PIEZO2: variants seen among roughly 807,000 people sequenced by gnomAD.
PIEZO2 encodes the protein piezo-type mechanosensitive ion channel component 2.
A neutral mutation model predicts 337.3 loss-of-function variants in PIEZO2; 172 were observed. The observed-to-expected ratio is 0.51, with a 90% confidence interval of 0.45 to 0.58. The LOEUF (loss-of-function observed/expected upper bound fraction) is 0.58, where lower values mean the gene tolerates loss of function less well. Among genes scored for constraint, PIEZO2 ranks in the 20% least tolerant of loss-of-function variants. The pLI, the probability that PIEZO2 is intolerant of heterozygous loss-of-function variation, is 0.00. For synonymous variants in PIEZO2, 1,251 were observed against 1,228.5 expected (o/e 1.02, Z -0.38); for missense variants, 3,028 against 3,391.3 (o/e 0.89, Z 2.66).
chr18:10,977,825 T>G (rs558797791), intron 3 of PIEZO2, among the ~76,000 whole-genome samples: 1 of 152,338 alleles, frequency 6.6e-6, no homozygotes, highest in African/African-American at 2.4e-5. Flanking sequence ...ACAAAAGTCA[T>G]AGACTGTATA....
intron 43 of PIEZO2, 91 bp downstream of exon 43, chr18:10,701,898 A>G (rs1045265108): frequency 2.5e-5 from 29 of 1,177,544 alleles, no homozygotes; most frequent in Non-Finnish European, 5.7e-6. Flanking sequence ...CCCATCACCA[A>G]TCCTGATGTC....
chr18:10,885,074 T>C (rs2144881318), intron 4 of PIEZO2, among the ~76,000 whole-genome samples: 2 of 152,004 alleles, frequency 1.3e-5, no homozygotes, highest in East Asian at 3.9e-4. Flanking sequence ...TGGAAGAAAA[T>C]ACATTCCCGA....
chr18:11,019,902 C>A (rs957232518), intron 2 of PIEZO2, among the ~76,000 whole-genome samples: 4 of 152,180 alleles, frequency 2.6e-5, no homozygotes, highest in African/African-American at 7.2e-5. Flanking sequence ...TCCATGGAGA[C>A]AAGAGGCATA....
chr18:10,688,027 T>C (rs921933736), intron 49 of PIEZO2, among the ~76,000 whole-genome samples: 5 of 152,250 alleles, frequency 3.3e-5, no homozygotes, highest in African/African-American at 9.6e-5. Context: ...CCAGGATACA[T>C]GTGCAGAATG....
rs879500750 is a variant in PIEZO2, at chr18:10,846,163, T to G, written c.917+9190A>C. On this transcript the variant is annotated intron_variant, in intron 7 of 55. Transcript: ENST00000674853. The surrounding 1 kb of genome is among the most constrained non-coding windows in gnomAD (Gnocchi z 4.1). ...TTGGCAATTTACAAAAGAATGAGGT[T>G]TATTGGACTTACAGTTCCACATGGC... is the stretch of plus-strand genomic sequence containing the variant. Among the ~76,000 whole-genome samples, 2 of 152,196 alleles carry G rather than the reference T, an allele frequency of 1.3e-5. No individual in the cohort carries two copies. Among genetic ancestry groups the G allele is most frequent in the Non-Finnish European group, 2.9e-5 (2 of 68,036 alleles).
At chr18:11,061,175 T>C (rs1271049980) in intron 2 of PIEZO2, among the ~76,000 whole-genome samples, 1 of 152,162 alleles carries the variant, frequency 6.6e-6, no homozygotes, top group African/African-American at 2.4e-5. Context: ...TCTCAATAGA[T>C]GCAGAAAAGG....
At chr18:10,802,050 C>T (rs1488504609) in intron 9 of PIEZO2, among the ~76,000 whole-genome samples, 28 of 138,472 alleles carry the variant, frequency 2.0e-4, no homozygotes, top group African/African-American at 7.8e-4. Context: ...CCCGCCACTG[C>T]ACTCCAGCCT....
intron 39 of PIEZO2, 76 bp downstream of exon 39, chr18:10,714,688 T>C (rs2035943550): frequency 6.8e-6 from 10 of 1,474,230 alleles, no homozygotes; most frequent in Middle Eastern, 3.5e-4. Flanking sequence ...ACCTCACACA[T>C]TCATTTCTTA....
At chr18:11,072,768 G>A (rs983875478) in intron 1 of PIEZO2, among the ~76,000 whole-genome samples, 1 of 152,182 alleles carries the variant, frequency 6.6e-6, no homozygotes, top group Non-Finnish European at 1.5e-5. Flanking sequence ...AGAAGTGCAT[G>A]ACCTCACCGC....
Position 11,110,925 on chromosome 18 carries a change from G to A in PIEZO2, c.64+37600C>T, listed in dbSNP as rs991224430. Among the ~76,000 whole-genome samples the A allele has an allele frequency of 2.0e-5, 3 of 152,202 alleles. No homozygotes were observed. Among genetic ancestry groups the A allele is most frequent in the African/African-American group, 7.2e-5 (3 of 41,444 alleles). On this transcript the variant is annotated intron_variant, in intron 1 of 55. Transcript: ENST00000674853. The surrounding 1 kb of genome is among the most constrained non-coding windows in gnomAD (Gnocchi z 4.2). Reference sequence around the variant, plus strand: ...ACACACGAGGTGAGGCCAGGATGCTGTGCCCCGCAAGCTCCCCTCCATGTG... The same window carrying A: ...ACACACGAGGTGAGGCCAGGATGCTATGCCCCGCAAGCTCCCCTCCATGTG...
intron 1 of PIEZO2, among the ~76,000 whole-genome samples, chr18:11,141,579 AGGTGCTT>A (rs1352114285): frequency 3.3e-5 from 5 of 152,332 alleles, no homozygotes; most frequent in Admixed American, 3.3e-4. Flanking sequence ...CCCTTGAACA[AGGTGCTT>A]GGTGTGGACA....
rs148410154 is a variant in PIEZO2 at position 10,862,376 on chromosome 18, T to C, written c.493-5165A>G. 2.0e-5 allele frequency among the ~76,000 whole-genome samples: 3 copies of C among 152,322 alleles called. No individual in the cohort carries two copies. In the East Asian group the frequency reaches 5.8e-4, roughly 29 times the overall value. On this transcript the variant is annotated intron_variant, in intron 5 of 55. Coordinates refer to ENST00000674853, the MANE Select transcript of PIEZO2 (RefSeq NM_001378183.1). The surrounding 1 kb of genome is among the most constrained non-coding windows in gnomAD (Gnocchi z 4.4). ...CTTTACACAAGGCCAGCCTGTTCTC[T>C]GTTAGGGCCCTGAATGAGGGCCTAA...
At chr18:11,133,290 G>A (rs1170174677) in intron 1 of PIEZO2, among the ~76,000 whole-genome samples, 4 of 152,212 alleles carry the variant, frequency 2.6e-5, no homozygotes, top group East Asian at 1.9e-4. Flanking sequence ...GCACGTTTCC[G>A]GTTGTACAAG....
Position 10,718,209 on chromosome 18 carries a change from C to G in PIEZO2, c.5080G>C (p.Asp1694His). 6.5e-7 allele frequency: 1 copy of G among 1,536,686 alleles called. No homozygotes were observed. Among genetic ancestry groups the G allele is most frequent in the East Asian group, 2.4e-5 (1 of 40,908 alleles). ...REDEPIKKKS[D>H]GPDNIIKRIF... ...GTCTTTATTTTGTTACCTGGTCCAT[C>G]GGATTTCTTTTTGATTGGTTCATCC... The change falls in exon 37 of 56, where the codon GAT (aspartate) becomes CAT (histidine). Residue 1694 changes from aspartate to histidine, a missense_variant. By Grantham distance (81) the Asp-to-His change is moderately conservative (BLOSUM62 -1). Around this residue, in one of 5 missense-constraint regions of PIEZO2, gnomAD observed 1,925 missense variants for 2,051.9 expected, o/e 0.94. Transcript: ENST00000674853.
chr18:10,905,729 G>A (rs1411586882), intron 4 of PIEZO2, among the ~76,000 whole-genome samples: 5 of 152,146 alleles, frequency 3.3e-5, no homozygotes, highest in South Asian at 2.1e-4. Context: ...CTGCTGCAAC[G>A]TAATGACAAA....
At chr18:10,679,493 C>A (rs2034166823) in intron 52 of PIEZO2, among the ~76,000 whole-genome samples, 1 of 151,338 alleles carries the variant, frequency 6.6e-6, no homozygotes, top group African/African-American at 2.4e-5. Context: ...TAGTTACATT[C>A]AAAATTTTTT....
chr18:10,858,383 C>T (rs1055057248), intron 5 of PIEZO2, among the ~76,000 whole-genome samples: 1 of 149,216 alleles, frequency 6.7e-6, no homozygotes, highest in African/African-American at 2.5e-5. Context: ...TAAATAAAGC[C>T]ATCACCTTAA....
chr18:10,816,947 G>A (rs541929367), intron 7 of PIEZO2, among the ~76,000 whole-genome samples: 21 of 152,214 alleles, frequency 1.4e-4, no homozygotes, highest in African/African-American at 5.1e-4. Context: ...ATCAAGCAGA[G>A]GAATAAAATT....
chr18:10,680,832 C>T (rs1029509010), intron 51 of PIEZO2, among the ~76,000 whole-genome samples: 1 of 152,062 alleles, frequency 6.6e-6, no homozygotes, highest in Non-Finnish European at 1.5e-5. Flanking sequence ...AAGAAAGAAG[C>T]ATCTCCTTCC....
Sources: gnomAD v4.1 joint callset for allele counts (sites outside exome capture counted in the v4.1 genomes callset) on GRCh38, gnomAD v4.1.1 for gene constraint, gnomAD v4.1.1 regional missense constraint, Gnocchi (gnomAD v3.1) non-coding constraint, MANE v1.5 for transcripts, NCBI Gene and HGNC (gene_info 2026-07-23, HGNC 2026-07-21) for gene names.